Variants in SUMF1 observed in about 807,000 individuals in gnomAD.
The protein encoded by SUMF1 is sulfatase modifying factor 1.
Under a neutral mutation model 47.6 loss-of-function variants are expected in SUMF1, and 48 were observed. The ratio of observed to expected loss-of-function variants is 1.01; its 90% CI spans 0.80 to 1.28. The LOEUF is 1.28. Ranked by LOEUF, SUMF1 falls within the 50% of genes most tolerant of loss-of-function variation. The pLI is 0.00. For synonymous variants in SUMF1, 230 were observed against 192.1 expected (o/e 1.20, Z -1.63); for missense variants, 571 against 485.4 (o/e 1.18, Z -1.66).
At chr3:4,113,654 C>T (rs1222494276) in intron 8 of SUMF1, among the ~76,000 whole-genome samples, 2 of 151,898 alleles carry the variant, frequency 1.3e-5, no homozygotes, top group Non-Finnish European at 2.9e-5. Flanking sequence ...AAGAGGTGGT[C>T]AATACTAAGA....
At chr3:4,398,749 T>C (rs1701116006) in intron 7 of SUMF1, among the ~76,000 whole-genome samples, 1 of 152,214 alleles carries the variant, frequency 6.6e-6, no homozygotes. Context: ...TCCCACTTGC[T>C]TTTGGAAGAA....
intron 8 of SUMF1, among the ~76,000 whole-genome samples, chr3:4,119,020 A>C (rs771497728): frequency 4.6e-5 from 7 of 152,106 alleles, no homozygotes; most frequent in Non-Finnish European, 1.0e-4. Flanking sequence ...CAGCATATAC[A>C]ACATTGATTT....
At chr3:4,442,424 T>A (rs1198533330) in intron 3 of SUMF1, among the ~76,000 whole-genome samples, 18 of 32,464 alleles carry the variant, frequency 5.5e-4, no homozygotes, top group Non-Finnish European at 3.2e-3. Context: ...CCCGGCTAAT[T>A]TTTTTTTTGT....
At chr3:4,216,154 C>T (rs2083932) in intron 8 of SUMF1, among the ~76,000 whole-genome samples, 23,888 of 152,008 alleles carry the variant, frequency 0.16, 2,239 homozygotes, top group South Asian at 0.28. Flanking sequence ...TACAAGGCTA[C>T]AGTAACAAAA....
chr3:4,214,898 T>C (rs112929930), intron 8 of SUMF1, among the ~76,000 whole-genome samples: 2,128 of 152,280 alleles, frequency 0.014, 49 homozygotes, highest in African/African-American at 0.046. Context: ...ATTGAGGCAG[T>C]AATTAATAGC....
chr3:4,153,525 T>G (rs79768166), intron 8 of SUMF1, among the ~76,000 whole-genome samples: 48,816 of 149,506 alleles, frequency 0.33, 8,907 homozygotes, highest in Non-Finnish European at 0.41. Context: ...CTTGTAGGTT[T>G]TTTTTTTTTT....
At chr3:4,168,375 C>G (rs1407268613) in intron 8 of SUMF1, among the ~76,000 whole-genome samples, 3 of 152,134 alleles carry the variant, frequency 2.0e-5, no homozygotes, top group Non-Finnish European at 4.4e-5. Context: ...ACTCTTTAGC[C>G]TTGAGTTCTG....
chr3:4,445,892 ATCTC>A (rs1439234509), intron 3 of SUMF1, among the ~76,000 whole-genome samples: 1 of 152,214 alleles, frequency 6.6e-6, no homozygotes, highest in Admixed American at 6.5e-5. Flanking sequence ...GGTACACCAG[ATCTC>A]TCTGTATTAT....
chr3:4,369,900 G>A (rs972200314), intron 8 of SUMF1, among the ~76,000 whole-genome samples: 2 of 152,178 alleles, frequency 1.3e-5, no homozygotes, highest in Non-Finnish European at 2.9e-5. Flanking sequence ...TCAGGGCATG[G>A]TTTAATTATT....
chr3:4,174,501 C>A (rs1225444054), intron 8 of SUMF1, among the ~76,000 whole-genome samples: 2 of 151,722 alleles, frequency 1.3e-5, no homozygotes, highest in Non-Finnish European at 2.9e-5. Flanking sequence ...CTCAGGAGTT[C>A]AAAGCCAGCC....
In SUMF1 at chr3:4,130,231, T is replaced by C. The variant is rs1478875914; in HGVS notation, c.1015-61486A>G. On this transcript the variant is annotated intron_variant and NMD_transcript_variant, in intron 8 of 12. Transcript: ENST00000448413. ...CTGGCGACTCTGATTGCAGCTGCTG[T>C]ACCAGATGTGATTTCATTGCTTGAG... 2.0e-5 allele frequency among the ~76,000 whole-genome samples: 3 copies of C among 152,180 alleles called. 1 individual carries two copies. Among genetic ancestry groups the C allele is most frequent in the African/African-American group, 7.2e-5 (3 of 41,442 alleles).
At chr3:4,332,105 T>A (rs138935879) in intron 8 of SUMF1, among the ~76,000 whole-genome samples, 502 of 148,424 alleles carry the variant, frequency 3.4e-3, no homozygotes, top group Middle Eastern at 0.011. Flanking sequence ...ACACATTTGA[T>A]TTAAGCACTT....
At chr3:4,166,955 T>G (rs567314510) in intron 8 of SUMF1, among the ~76,000 whole-genome samples, 8 of 152,230 alleles carry the variant, frequency 5.3e-5, no homozygotes, top group African/African-American at 1.7e-4. Flanking sequence ...CTAGTCACTT[T>G]TAACTGGCCA....
intron 8 of SUMF1, among the ~76,000 whole-genome samples, chr3:4,116,090 CAT>C (rs1047682844): frequency 1.3e-5 from 2 of 152,130 alleles, no homozygotes; most frequent in Admixed American, 6.5e-5. Context: ...TTGATTCCCA[CAT>C]ATGTTTATGA....
intron 8 of SUMF1, among the ~76,000 whole-genome samples, chr3:4,077,003 CAAAAAAGAAA>C (rs1009746584): frequency 6.7e-6 from 1 of 149,872 alleles, no homozygotes; most frequent in Non-Finnish European, 1.5e-5. Context: ...GACTCCATCT[CAAAAAAGAAA>C]AAAAAAGAAG....
chr3:4,246,123 G>A (rs756816937), intron 8 of SUMF1, among the ~76,000 whole-genome samples: 7 of 152,154 alleles, frequency 4.6e-5, no homozygotes, highest in Non-Finnish European at 7.4e-5. Context: ...GAAAAGTGCC[G>A]TATTTGGGCA....
chr3:4,342,595 G>A lies in SUMF1; in HGVS notation c.1014+33735C>T, dbSNP rs554406808. Among the ~76,000 whole-genome samples the A allele has an allele frequency of 3.3e-5, 5 of 152,216 alleles. No individual in the cohort carries two copies. In the East Asian group the frequency reaches 9.6e-4, roughly 29 times the overall value. On this transcript the variant is annotated intron_variant and NMD_transcript_variant, in intron 8 of 12. Transcript: ENST00000448413. ...AGTCACTCCTCAGTTTTATATGGCT[G>A]GTTTCACATTTGACCTTCCTTTACT...
chr3:4,304,642 T>C (rs1346104007), intron 8 of SUMF1, among the ~76,000 whole-genome samples: 1 of 152,234 alleles, frequency 6.6e-6, no homozygotes, highest in Non-Finnish European at 1.5e-5. Context: ...GCATAGCCCC[T>C]TTAACATCCA....
At chr3:4,298,864 C>T (rs965617328) in intron 8 of SUMF1, among the ~76,000 whole-genome samples, 32 of 152,174 alleles carry the variant, frequency 2.1e-4, no homozygotes, top group Non-Finnish European at 1.3e-4. Context: ...GTGAAACAAA[C>T]CTTATCTCCA....
Sources: gnomAD v4.1 joint callset for allele counts (sites outside exome capture counted in the v4.1 genomes callset) on GRCh38, gnomAD v4.1.1 for gene constraint, MANE v1.5 for transcripts, NCBI Gene and HGNC (gene_info 2026-07-23, HGNC 2026-07-21) for gene names.